Variants in AUTS2 observed in about 807,000 individuals in gnomAD.
AUTS2 encodes autism susceptibility gene 2 protein.
A neutral mutation model predicts 112.4 loss-of-function variants in AUTS2; 17 were observed. The ratio of observed to expected loss-of-function variants is 0.15; its 90% confidence interval spans 0.10 to 0.23. AUTS2 has a LOEUF of 0.23. AUTS2 is among the 10% of genes least tolerant of loss of function. The pLI, the probability that AUTS2 is intolerant of heterozygous loss-of-function variation, is 1.00. For synonymous variants in AUTS2, 751 were observed against 702.7 expected (o/e 1.07, Z -1.09); for missense variants, 1,510 against 1,701.6 (o/e 0.89, Z 1.98).
chr7:69,616,571 AG>A (rs1793387934), intron 1 of AUTS2, among the ~76,000 whole-genome samples: 1 of 152,232 alleles, frequency 6.6e-6, no homozygotes, highest in South Asian at 2.1e-4. Context: ...GGGATGCAAC[AG>A]TTGTGGGACA....
At position 69,711,674 on chromosome 7, in the gene AUTS2, C is replaced by T. The variant is rs532256953; in HGVS notation, c.309+111712C>T. 2.7e-4 allele frequency among the ~76,000 whole-genome samples: 41 copies of T among 152,152 alleles called. No homozygotes were observed. In the East Asian group the frequency reaches 2.9e-3, roughly 11 times the overall value. On this transcript the variant is annotated intron_variant, in intron 1 of 18. Transcript: ENST00000342771. ...ATTTTCCATAATTTATTTCTGGCCT[C>T]GTAAAAATAGAGGGAAAATAACCAA...
intron 5 of AUTS2, among the ~76,000 whole-genome samples, chr7:70,691,597 T>C (rs966165014): frequency 2.0e-5 from 3 of 152,262 alleles, no homozygotes; most frequent in South Asian, 2.1e-4. Flanking sequence ...CCAGAAAGCA[T>C]AGGGAATAGA....
At chr7:70,418,075 C>CTGTG (rs34869843) in intron 4 of AUTS2, among the ~76,000 whole-genome samples, 2,590 of 136,422 alleles carry the variant, frequency 0.019, 32 homozygotes, top group East Asian at 0.034. Flanking sequence ...GGCTAACTTT[C>CTGTG]TGTGTGTGTG....
At chr7:70,549,239 T>A (rs1014184526) in intron 5 of AUTS2, among the ~76,000 whole-genome samples, 2 of 152,246 alleles carry the variant, frequency 1.3e-5, no homozygotes, top group Admixed American at 6.5e-5. Context: ...CCAATTTTTT[T>A]ATTAGTTTTA....
chr7:70,522,077 A>G (rs1248103930), intron 5 of AUTS2, among the ~76,000 whole-genome samples: 1 of 152,238 alleles, frequency 6.6e-6, no homozygotes, highest in Non-Finnish European at 1.5e-5. Flanking sequence ...GGCTGCAACC[A>G]GTACTACCAA....
At chr7:70,668,785 G>A (rs1035552467) in intron 5 of AUTS2, among the ~76,000 whole-genome samples, 13 of 152,194 alleles carry the variant, frequency 8.5e-5, no homozygotes, top group Non-Finnish European at 1.5e-5. Context: ...GGGGAATTCC[G>A]AAAATAGACT....
chr7:69,998,511 T>C (rs1405376531), intron 2 of AUTS2, among the ~76,000 whole-genome samples: 1 of 152,244 alleles, frequency 6.6e-6, no homozygotes, highest in Non-Finnish European at 1.5e-5. Flanking sequence ...TGCCTGGTTC[T>C]GTGTGTTTGA....
chr7:70,595,479 C>T (rs770822454), intron 5 of AUTS2, among the ~76,000 whole-genome samples: 6 of 151,910 alleles, frequency 3.9e-5, no homozygotes, highest in Non-Finnish European at 8.8e-5. Context: ...GGCTAGACAC[C>T]AGAGTTTCAG....
intron 1 of AUTS2, among the ~76,000 whole-genome samples, chr7:69,713,460 GTTT>G (rs764107255): frequency 1.5e-5 from 2 of 135,766 alleles, no homozygotes; most frequent in Non-Finnish European, 1.6e-5. Context: ...GCTTTCAAGA[GTTT>G]TTTTTTTTTT....
intron 4 of AUTS2, among the ~76,000 whole-genome samples, chr7:70,338,556 A>C (rs960775988): frequency 6.6e-6 from 1 of 152,216 alleles, no homozygotes; most frequent in Non-Finnish European, 1.5e-5. Context: ...CTGCTATACA[A>C]GATGGTTATT....
chr7:70,544,476 C>T (rs1800687092), intron 5 of AUTS2, among the ~76,000 whole-genome samples: 1 of 152,090 alleles, frequency 6.6e-6, no homozygotes, highest in Non-Finnish European at 1.5e-5. Context: ...AGAGCTCTTC[C>T]TGGTGACCAT....
At chr7:70,698,036 A>G (rs1005546012) in intron 5 of AUTS2, among the ~76,000 whole-genome samples, 1 of 152,132 alleles carries the variant, frequency 6.6e-6, no homozygotes, top group African/African-American at 2.4e-5. Context: ...TTTGAACACC[A>G]AGGTCGTTTG....
intron 2 of AUTS2, among the ~76,000 whole-genome samples, chr7:69,960,684 A>G (rs1003247043): frequency 6.6e-6 from 1 of 152,158 alleles, no homozygotes; most frequent in Non-Finnish European, 1.5e-5. Flanking sequence ...AGTGAAATAT[A>G]TATTGACAGG....
At chr7:70,691,874 ATTT>A (rs34314079) in intron 5 of AUTS2, among the ~76,000 whole-genome samples, 3 of 131,816 alleles carry the variant, frequency 2.3e-5, no homozygotes, top group Admixed American at 7.9e-5. Flanking sequence ...ATTGATGACA[ATTT>A]TTTTTTTTTT....
intron 4 of AUTS2, among the ~76,000 whole-genome samples, chr7:70,216,026 A>T (rs1164801178): frequency 6.6e-6 from 1 of 152,214 alleles, no homozygotes; most frequent in African/African-American, 2.4e-5. Flanking sequence ...AAAAATTCAG[A>T]ATCCCTATAT....
intron 5 of AUTS2, among the ~76,000 whole-genome samples, chr7:70,618,430 C>T (rs2129536213): frequency 6.6e-6 from 1 of 152,322 alleles, no homozygotes; most frequent in Non-Finnish European, 1.5e-5. Flanking sequence ...TTTTACTTAG[C>T]TCGCAGTTTA....
intron 2 of AUTS2, among the ~76,000 whole-genome samples, chr7:70,053,110 T>C (rs1801828730): frequency 6.6e-6 from 1 of 152,198 alleles, no homozygotes; most frequent in Non-Finnish European, 1.5e-5. Context: ...CAAATCAATA[T>C]ATATTTCATA....
intron 4 of AUTS2, among the ~76,000 whole-genome samples, chr7:70,384,976 T>TG (rs1793542547): frequency 6.6e-6 from 1 of 152,196 alleles, no homozygotes; most frequent in Non-Finnish European, 1.5e-5. Context: ...GGGTAAAGTC[T>TG]GGCACAGCCC....
At chr7:70,228,600 T>G (rs2129595231) in intron 4 of AUTS2, among the ~76,000 whole-genome samples, 1 of 152,068 alleles carries the variant, frequency 6.6e-6, no homozygotes, top group Middle Eastern at 3.4e-3. Context: ...GGTTAGGGTT[T>G]ATACATGCAT....
Sources: allele counts gnomAD v4.1 joint callset (sites outside exome capture counted in the v4.1 genomes callset), GRCh38; gene constraint gnomAD v4.1.1; transcripts MANE v1.5; gene names NCBI Gene and HGNC (gene_info 2026-07-23, HGNC 2026-07-21).